CSMD1: variants seen among roughly 807,000 people sequenced by gnomAD.
CSMD1 encodes CUB and Sushi multiple domains 1, also known as CUB and sushi domain-containing protein 1.
Under a neutral mutation model 417.5 loss-of-function variants are expected in CSMD1, and 213 were observed. That is an observed-to-expected ratio of 0.51 (90% CI 0.46 to 0.57). The LOEUF is 0.57. Among genes scored for constraint, CSMD1 ranks in the 20% least tolerant of loss-of-function variants. The probability of loss-of-function intolerance (pLI) is 0.00; values close to 1 mark genes in which losing one functional copy is unlikely to be tolerated. For synonymous variants in CSMD1, 2,862 were observed against 1,736.8 expected (o/e 1.65, Z -16.11); for missense variants, 6,923 against 4,529.7 (o/e 1.53, Z -15.17).
At chr8:3,062,715 G>C (rs1007699734) in intron 49 of CSMD1, among the ~76,000 whole-genome samples, 2 of 152,016 alleles carry the variant, frequency 1.3e-5, no homozygotes, top group African/African-American at 2.4e-5. Flanking sequence ...AGACAAAAAA[G>C]CTATGAAAAA....
At chr8:4,816,064 G>C (rs1217734279) in intron 1 of CSMD1, among the ~76,000 whole-genome samples, 1 of 152,170 alleles carries the variant, frequency 6.6e-6, no homozygotes, top group Admixed American at 6.5e-5. Flanking sequence ...AAACACAGCA[G>C]GACTGGGTTT....
intron 2 of CSMD1, among the ~76,000 whole-genome samples, chr8:4,421,301 G>A (rs1316105225): frequency 1.3e-5 from 2 of 152,132 alleles, no homozygotes; most frequent in Admixed American, 6.6e-5. Flanking sequence ...AGACCAGCAA[G>A]AATACAGAAC....
chr8:3,444,085 A>C (rs1447001093), intron 12 of CSMD1, among the ~76,000 whole-genome samples: 1 of 152,168 alleles, frequency 6.6e-6, no homozygotes, highest in Non-Finnish European at 1.5e-5. Context: ...ACACACACGC[A>C]CATACACACT....
At chr8:4,614,075 GAC>G (rs1324962908) in intron 2 of CSMD1, among the ~76,000 whole-genome samples, 1 of 152,092 alleles carries the variant, frequency 6.6e-6, no homozygotes, top group Admixed American at 6.5e-5. Flanking sequence ...GCCAAGATTT[GAC>G]AGTTTACTGG....
At chr8:3,965,401 G>A (rs1259235011) in intron 5 of CSMD1, among the ~76,000 whole-genome samples, 1 of 152,170 alleles carries the variant, frequency 6.6e-6, no homozygotes, top group East Asian at 1.9e-4. Context: ...CATTGCCTTA[G>A]AGACATGGTT....
intron 54 of CSMD1, among the ~76,000 whole-genome samples, chr8:2,986,264 G>A (rs1805902847): frequency 6.6e-6 from 1 of 152,152 alleles, no homozygotes; most frequent in Admixed American, 6.5e-5. Context: ...CCAAGCATTG[G>A]TTTATCTAGA....
chr8:4,758,570 C>A (rs114936148), intron 1 of CSMD1, among the ~76,000 whole-genome samples: 1 of 152,194 alleles, frequency 6.6e-6, no homozygotes, highest in East Asian at 1.9e-4. Flanking sequence ...CATTTTCTCA[C>A]TGCTATACCA....
intron 5 of CSMD1, among the ~76,000 whole-genome samples, chr8:3,800,882 G>A (rs902264428): frequency 3.9e-5 from 6 of 151,992 alleles, no homozygotes; most frequent in Non-Finnish European, 8.8e-5. Flanking sequence ...CCATGCTTCT[G>A]CTATGGCCCC....
At chr8:3,720,166 G>A (rs1330697839) in intron 6 of CSMD1, among the ~76,000 whole-genome samples, 1 of 152,188 alleles carries the variant, frequency 6.6e-6, no homozygotes, top group Non-Finnish European at 1.5e-5. Context: ...ACCGCACACA[G>A]GAAGCTGGGG....
intron 41 of CSMD1, among the ~76,000 whole-genome samples, chr8:3,119,304 T>C (rs950082298): frequency 3.4e-5 from 5 of 145,032 alleles, no homozygotes; most frequent in South Asian, 2.2e-4. Context: ...TGAGTACTCC[T>C]AACTGGAAAA....
chr8:3,019,106 C>A (rs1353464773), intron 51 of CSMD1, among the ~76,000 whole-genome samples: 9 of 152,152 alleles, frequency 5.9e-5, no homozygotes, highest in Non-Finnish European at 4.4e-5. Context: ...TTAGTAGAGA[C>A]AGTGTTTTGC....
intron 5 of CSMD1, among the ~76,000 whole-genome samples, chr8:3,850,880 CATT>C (rs1414713482): frequency 1.3e-5 from 2 of 152,020 alleles, no homozygotes; most frequent in Admixed American, 1.3e-4. Flanking sequence ...TTTATTTCAG[CATT>C]ATTATCACAG....
rs374899563 is a variant in CSMD1, at chr8:3,492,172, AG to A, written c.1448+1450del. On this transcript the variant is annotated intron_variant, in intron 11 of 69. Transcript: ENST00000635120. ...ACTGAAACGGGTGGGCGTGGGTTTC[AG>A]GAGAAGCCAAGATGTTTGATTATTC... Among the ~76,000 whole-genome samples, 945 of 152,332 alleles carry A rather than the reference AG, an allele frequency of 6.2e-3. 3 individuals are homozygous for A. The highest frequency in any genetic ancestry group is 0.035 in the South Asian group (170 of 4,824).
At chr8:3,017,208 C>G (rs1428582121) in intron 52 of CSMD1, among the ~76,000 whole-genome samples, 1 of 152,160 alleles carries the variant, frequency 6.6e-6, no homozygotes, top group Non-Finnish European at 1.5e-5. Context: ...CCACCTAGCT[C>G]CCTCCCAGTG....
At chr8:3,308,893 T>C (rs932009286) in intron 23 of CSMD1, among the ~76,000 whole-genome samples, 2 of 152,006 alleles carry the variant, frequency 1.3e-5, no homozygotes, top group Non-Finnish European at 2.9e-5. Flanking sequence ...CCAGCTAATT[T>C]TTTGTATTTT....
In CSMD1 at chr8:4,395,407, G is replaced by A. The variant is rs866085433; in HGVS notation, c.415+24546C>T. On this transcript the variant is annotated intron_variant, in intron 3 of 69. Coordinates refer to ENST00000635120, the MANE Select transcript of CSMD1 (RefSeq NM_033225.6). ...GTCCAGCTAGCCAGGCTCCAGAAGC[G>A]CTAAAGAATCATAAAAAAAACAAGA... Among the ~76,000 whole-genome samples the A allele has an allele frequency of 1.1e-4, 16 of 151,496 alleles. 1 individual carries two copies. The highest frequency in any genetic ancestry group is 6.2e-4 in the South Asian group (3 of 4,814).
At chr8:3,726,588 A>G (rs953256331) in intron 6 of CSMD1, among the ~76,000 whole-genome samples, 1 of 152,172 alleles carries the variant, frequency 6.6e-6, no homozygotes, top group African/African-American at 2.4e-5. Context: ...GGAAATCTGG[A>G]TATTCATGTG....
chr8:3,760,427 G>C (rs182516720), intron 5 of CSMD1, among the ~76,000 whole-genome samples: 10 of 152,210 alleles, frequency 6.6e-5, no homozygotes, highest in Admixed American at 3.9e-4. Context: ...AGCTTAAATA[G>C]AACAGGCCAG....
intron 5 of CSMD1, among the ~76,000 whole-genome samples, chr8:3,908,364 T>G (rs1045353718): frequency 6.6e-6 from 1 of 152,224 alleles, no homozygotes; most frequent in African/African-American, 2.4e-5. Flanking sequence ...TTAATCATTA[T>G]GGATACATTT....
Sources: gnomAD v4.1 joint callset for allele counts (sites outside exome capture counted in the v4.1 genomes callset) on GRCh38, gnomAD v4.1.1 for gene constraint, MANE v1.5 for transcripts, NCBI Gene and HGNC (gene_info 2026-07-23, HGNC 2026-07-21) for gene names.